The following HDAC4 variants were observed in gnomAD, a reference collection of about 807,000 sequenced individuals.
HDAC4 encodes the protein histone deacetylase 4.
Under a neutral mutation model 135.1 loss-of-function variants are expected in HDAC4, and 16 were observed. The ratio of observed to expected loss-of-function variants is 0.12; its 90% CI spans 0.08 to 0.18. HDAC4 has a LOEUF of 0.18. Ranked by LOEUF, HDAC4 falls within the 10% of genes least tolerant of loss-of-function variation. HDAC4 has a pLI of 1.00. For missense variants in HDAC4, 1,143 were observed against 1,511.8 expected (o/e 0.76, Z 4.05); for synonymous variants, 685 against 653.4 (o/e 1.05, Z -0.74).
At chr2:239,123,379 TGGG>T (rs1466227683) in intron 12 of HDAC4, among the ~76,000 whole-genome samples, 1 of 148,470 alleles carries the variant, frequency 6.7e-6, no homozygotes, top group Non-Finnish European at 1.5e-5. Context: ...GATGAGGGCT[TGGG>T]GGTGGAGGGG....
At chr2:239,105,770 TCTC>T (rs1008722292) in intron 15 of HDAC4, among the ~76,000 whole-genome samples, 6 of 151,966 alleles carry the variant, frequency 3.9e-5, no homozygotes, top group African/African-American at 1.4e-4. Flanking sequence ...CACCCCATCT[TCTC>T]CTATCGGGTA....
chr2:239,265,534 G>C (rs907294333), intron 2 of HDAC4, among the ~76,000 whole-genome samples: 1 of 152,202 alleles, frequency 6.6e-6, no homozygotes, highest in Non-Finnish European at 1.5e-5. Flanking sequence ...AGCCCTCCTG[G>C]GGGGAGGTGC....
chr2:239,312,135 C>T (rs1460952489), intron 2 of HDAC4, among the ~76,000 whole-genome samples: 1 of 152,206 alleles, frequency 6.6e-6, no homozygotes, highest in Non-Finnish European at 1.5e-5. Flanking sequence ...ACACTGGCCA[C>T]CAAGGTGCCA....
At chr2:239,345,270 C>CCGGATA (rs1692535740) in intron 2 of HDAC4, among the ~76,000 whole-genome samples, 1 of 152,128 alleles carries the variant, frequency 6.6e-6, no homozygotes, top group African/African-American at 2.4e-5. Context: ...GTACTCCTGG[C>CCGGATA]CGGATACAAT....
intron 1 of HDAC4, among the ~76,000 whole-genome samples, chr2:239,365,883 G>C (rs943246761): frequency 1.3e-5 from 2 of 151,234 alleles, no homozygotes; most frequent in Non-Finnish European, 2.9e-5. Context: ...TGGCACTGGG[G>C]GACACACAGA....
At chr2:239,092,347 C>T (rs1293133788) in intron 17 of HDAC4, among the ~76,000 whole-genome samples, 1 of 152,186 alleles carries the variant, frequency 6.6e-6, no homozygotes, top group Non-Finnish European at 1.5e-5. Flanking sequence ...GAGGCGGGGT[C>T]CCAGACAGGC....
intron 2 of HDAC4, among the ~76,000 whole-genome samples, chr2:239,283,535 G>A (rs1369171747): frequency 6.6e-6 from 1 of 152,240 alleles, no homozygotes; most frequent in Non-Finnish European, 1.5e-5. Flanking sequence ...ACACCTGGGC[G>A]TTTCCACCAT....
At chr2:239,083,744 C>G (rs1201741040) in intron 20 of HDAC4, among the ~76,000 whole-genome samples, 1 of 152,184 alleles carries the variant, frequency 6.6e-6, no homozygotes, top group Non-Finnish European at 1.5e-5. Context: ...CACACAGCAG[C>G]AGGAAGGCAC....
chr2:239,084,488 C>CAG (rs1435648946), intron 19 of HDAC4, among the ~76,000 whole-genome samples: 1 of 149,062 alleles, frequency 6.7e-6, no homozygotes, highest in African/African-American at 2.5e-5. Flanking sequence ...CACACACACA[C>CAG]AGCTCCCAAA....
chr2:239,369,725 A>G (rs1477957768), intron 1 of HDAC4, among the ~76,000 whole-genome samples: 1 of 152,132 alleles, frequency 6.6e-6, no homozygotes, highest in African/African-American at 2.4e-5. Context: ...AGGTTGCTGG[A>G]TGACACGGCC....
In HDAC4 at chr2:239,159,318, C is replaced by A. The variant is rs116199098; in HGVS notation, c.612-2545G>T. Among the ~76,000 whole-genome samples, 434 of 150,926 alleles carry A rather than the reference C, an allele frequency of 2.9e-3. 2 individuals are homozygous for A. Among genetic ancestry groups the A allele is most frequent in the African/African-American group, 0.01 (418 of 41,014 alleles). On this transcript the variant is annotated intron_variant, in intron 6 of 26. Transcript: ENST00000543185. ...CTACTCACGCCCAACTACACTCACA[C>A]CTGCACTGCACACTACTCACACCCA...
intron 3 of HDAC4, among the ~76,000 whole-genome samples, chr2:239,209,161 G>A (rs2046229936): frequency 6.6e-6 from 1 of 152,234 alleles, no homozygotes; most frequent in Non-Finnish European, 1.5e-5. Flanking sequence ...GATTACAGGT[G>A]TGATCAGGCC....
At chr2:239,305,776 A>G (rs948662072) in intron 2 of HDAC4, among the ~76,000 whole-genome samples, 3 of 152,212 alleles carry the variant, frequency 2.0e-5, no homozygotes, top group African/African-American at 7.2e-5. Flanking sequence ...GAGTTGAAAT[A>G]CATTTATTTA....
intron 2 of HDAC4, among the ~76,000 whole-genome samples, chr2:239,255,036 T>C (rs984870554): frequency 6.6e-6 from 1 of 152,188 alleles, no homozygotes; most frequent in Non-Finnish European, 1.5e-5. Context: ...TAAACTATCA[T>C]TCGGGTAAAA....
At position 239,242,556 on chromosome 2, in the gene HDAC4, A is replaced by G. The variant is rs572418201; in HGVS notation, c.23-5892T>C. 6.6e-5 allele frequency among the ~76,000 whole-genome samples: 10 copies of G among 152,290 alleles called. No individual in the cohort carries two copies. The East Asian group carries it at 1.9e-3, about 29-fold the overall frequency. On this transcript the variant is annotated intron_variant, in intron 2 of 26. Transcript: ENST00000543185. The stretch of plus-strand genomic sequence containing the variant: ...AATCATTTTTCTGTAGTTATCGTGT[A>G]TTTTCTACATATAGAATCAGGTCAC...
chr2:239,282,632 TAC>T (rs2050861017), intron 2 of HDAC4, among the ~76,000 whole-genome samples: 2 of 128,472 alleles, frequency 1.6e-5, no homozygotes, highest in Non-Finnish European at 1.7e-5. Flanking sequence ...CTCGACAATG[TAC>T]ACACCACTCT....
intron 3 of HDAC4, among the ~76,000 whole-genome samples, chr2:239,196,761 G>T (rs2045411063): frequency 6.6e-6 from 1 of 152,206 alleles, no homozygotes; most frequent in South Asian, 2.1e-4. Context: ...GGTGGGAACT[G>T]GGCAGAAGAC....
Position 239,082,195 on chromosome 2 carries a change from C to T in HDAC4, c.2559G>A (p.Gln853=), listed in dbSNP as rs1426354243. The T allele has an allele frequency of 1.4e-5, 22 of 1,614,086 alleles. No homozygotes were observed. Among genetic ancestry groups the T allele is most frequent in the Non-Finnish European group, 1.7e-5 (20 of 1,180,040 alleles). Residue 853 remains glutamine (Q), a synonymous_variant, in exon 21 of 27, where the codon CAG becomes CAA. Transcript: ENST00000543185. ...DWDVHHGNGT[Q]QAFYSDPSVL... ...CGCTGGGGTCGCTGTAGAAAGCCTG[C>T]TGGGTCCCGTTTCCATGGTGCACGT...
chr2:239,145,289 A>C (rs1213413800), intron 7 of HDAC4, among the ~76,000 whole-genome samples: 2 of 151,832 alleles, frequency 1.3e-5, no homozygotes, highest in Admixed American at 6.6e-5. Flanking sequence ...TGCTATCCCC[A>C]CCCCGACCTG....
Sources: allele counts gnomAD v4.1 joint callset (sites outside exome capture counted in the v4.1 genomes callset), GRCh38; gene constraint gnomAD v4.1.1; transcripts MANE v1.5; gene names NCBI Gene and HGNC (gene_info 2026-07-23, HGNC 2026-07-21).